The following SCRIB variants were observed in gnomAD, a reference collection of about 807,000 sequenced individuals.
SCRIB encodes the protein protein scribble homolog.
Under a neutral mutation model 170.0 loss-of-function variants are expected in SCRIB, and 72 were observed. The ratio of observed to expected loss-of-function variants is 0.42; its 90% CI spans 0.35 to 0.52. SCRIB has a LOEUF of 0.52. Among genes scored for constraint, SCRIB ranks in the 20% least tolerant of loss-of-function variants. The pLI is 0.02. For synonymous variants in SCRIB, 1,298 were observed against 1,044.3 expected, an observed-to-expected ratio of 1.24 and a Z score of -4.68; for missense variants, 2,475 against 2,338.5, an observed-to-expected ratio of 1.06 and a Z score of -1.20.
chr8:143,809,733 G>A lies in SCRIB; in HGVS notation c.1531-15C>T, dbSNP rs1284715419. ...AGCCGCTTCTCCTGCGGCGGGAAGT[G>A]GGGTCAGGCTTCGACGGAGCTCCCG... On this transcript the variant is annotated splice_polypyrimidine_tract_variant and intron_variant, in intron 13 of 36. Transcript: ENST00000356994. The A allele has an allele frequency of 1.2e-6, 2 of 1,604,760 alleles. No homozygotes were observed. Among genetic ancestry groups the A allele is most frequent in the Non-Finnish European group, 1.7e-6 (2 of 1,178,078 alleles).
Position 143,793,958 on chromosome 8 carries a change from G to T in SCRIB, c.3851C>A (p.Pro1284Gln). Residue 1284 changes from proline (P) to glutamine (Q), a missense_variant, in exon 28 of 37, where the codon CCG becomes CAG. Around this residue, in one of 3 missense-constraint regions of SCRIB, gnomAD observed 1,966 missense variants for 1,742.9 expected, o/e 1.13. Transcript: ENST00000356994. ...CATCTTCCCTCCAGCTGCTCCAGAC[G>T]GTACCTGGAGGAGTAGGCAGTGGGT... is the stretch of plus-strand genomic sequence containing the variant. The part of the protein sequence containing the change: ...VPSAGSVQRV[P>Q]SGAAGGKMAE... The T allele has an allele frequency of 6.2e-7, 1 of 1,612,518 alleles. No homozygotes were observed. Among genetic ancestry groups the T allele is most frequent in the Non-Finnish European group, 8.5e-7 (1 of 1,179,186 alleles).
At chr8:143,815,182 C>G (rs1296861647) in intron 1 of SCRIB, 32 bp downstream of exon 1, 2 of 1,535,126 alleles carry the variant, frequency 1.3e-6, no homozygotes, top group Admixed American at 1.9e-5. Context: ...TGGGGGCGCG[C>G]CTTTGGGCGG....
Position 143,804,970 on chromosome 8 carries a change from G to A in SCRIB, c.2715C>T (p.Arg905=), listed in dbSNP as rs142163940. Residue 905 remains arginine (R), a synonymous_variant, in exon 20 of 37, where the codon CGC becomes CGT. Transcript: ENST00000356994. The part of the protein sequence containing the change: ...SRIAEGGAAH[R]AGTLQVGDRV... ...GGTCGCCAACCTGCAGTGTGCCCGC[G>A]CGGTGAGCAGCACCGCCCTCGGCAA... 8.1e-5 allele frequency: 128 copies of A among 1,582,560 alleles called. No individual in the cohort carries two copies. The African/African-American group carries it at 1.4e-3, about 18-fold the overall frequency.
rs781979709 is a variant in SCRIB, at chr8:143,792,171, A to G, written c.4515-38T>C. 6 of 1,558,740 alleles carry G rather than the reference A, an allele frequency of 3.8e-6. No homozygotes were observed. In the African/African-American group the frequency reaches 5.4e-5, roughly 14 times the overall value. On this transcript the variant is annotated intron_variant, in intron 32 of 36. Transcript: ENST00000356994. ...GCGGGCAGGGGTGACTTGGGGCAGG[A>G]GCAGGGACAGGCAGCAGGGCGGGGT...
rs1362322414 is a variant in SCRIB, at chr8:143,809,002, G to A, written c.1722C>T (p.Asp574=). 37 of 1,612,560 alleles carry A rather than the reference G, an allele frequency of 2.3e-5. No individual in the cohort carries two copies. The highest frequency in any genetic ancestry group is 3.3e-5 in the Admixed American group (2 of 59,958). ...YQEPTVHFAE[D]ALLPGDDREI... Reference sequence around the variant, plus strand: ...CCCTGTCATCCCCGGGCAGCAGTGCGTCCTCTGCGAAATGCACCGTGGGCT... The same window carrying A: ...CCCTGTCATCCCCGGGCAGCAGTGCATCCTCTGCGAAATGCACCGTGGGCT... Residue 574 remains aspartate, a synonymous_variant, in exon 15 of 37, where the codon GAC becomes GAT. Transcript: ENST00000356994.
chr8:143,795,154 T>G, intron 26 of SCRIB, 42 bp from the exon 27 acceptor site: 1 of 1,602,314 alleles, frequency 6.2e-7, no homozygotes, highest in Non-Finnish European at 8.5e-7. Flanking sequence ...GGTAGCTCCG[T>G]GGCAGCACCC....
At chr8:143,793,565 G>GT in intron 28 of SCRIB, 1 of 356,332 alleles carries the variant, frequency 2.8e-6, no homozygotes, top group Non-Finnish European at 5.1e-6. Context: ...CCAACAGTGG[G>GT]GGGGCAAGGA....
chr8:143,814,452 G>T (rs1022577956), intron 1 of SCRIB, among the ~76,000 whole-genome samples: 4 of 152,018 alleles, frequency 2.6e-5, no homozygotes, highest in African/African-American at 7.2e-5. Context: ...ACCCTCCAGG[G>T]GCCCACACTG....
At position 143,792,811 on chromosome 8, in the gene SCRIB, C is replaced by G. The variant is rs1554633250; in HGVS notation, c.4074G>C (p.Gln1358His). The G allele has an allele frequency of 3.2e-6, 5 of 1,557,506 alleles. No homozygotes were observed. Among genetic ancestry groups the G allele is most frequent in the Non-Finnish European group, 3.5e-6 (4 of 1,153,500 alleles). ...CGCGCACCTCCAGCTCAAAGTACTT[C>G]TGCCGCTCCCGGAAGGACAGCTGCT... ...SPEQLSFRER[Q>H]KYFELEVRVP... The change falls in exon 30 of 37, where the codon CAG becomes CAC. Residue 1358 changes from glutamine to histidine, a missense_variant. Physicochemically the swap from Gln to His is conservative, Grantham distance 24 (BLOSUM62 0). Coordinates refer to ENST00000356994, the MANE Select transcript of SCRIB (RefSeq NM_182706.5).
chr8:143,805,032 G>A lies in SCRIB; in HGVS notation c.2671-18C>T, dbSNP rs1031887683. On this transcript the variant is annotated intron_variant, in intron 19 of 36. Transcript: ENST00000356994. Reference sequence around the variant, plus strand: ...AAGATGCCCTGCAGGGGAGGGTGGAGGAGGCAGGGCTGCCGGTGAGGCTGG... The same window carrying A: ...AAGATGCCCTGCAGGGGAGGGTGGAAGAGGCAGGGCTGCCGGTGAGGCTGG... 5.7e-6 allele frequency: 9 copies of A among 1,585,148 alleles called. No individual in the cohort carries two copies. The highest frequency in any genetic ancestry group is 1.3e-5 in the African/African-American group (1 of 74,586).
chr8:143,807,210 G>A (rs1815468070), intron 16 of SCRIB, among the ~76,000 whole-genome samples, 197 bp from the exon 17 acceptor site: 1 of 152,260 alleles, frequency 6.6e-6, no homozygotes, highest in Admixed American at 6.5e-5. Flanking sequence ...GGAGGGCACT[G>A]CTCTGCAGAG....
Position 143,791,403 on chromosome 8 carries a change from G to A in SCRIB, c.4808C>T (p.Pro1603Leu). Reference sequence around the variant, plus strand: ...CCCCAACTCACCAGGGCTGGGAGATGGTTCCAGGGACCTCAACTCCTCAGC... The same window carrying A: ...CCCCAACTCACCAGGGCTGGGAGATAGTTCCAGGGACCTCAACTCCTCAGC... ...DFAEELRSLE[P>L]SPSPGPQEED... Residue 1603 changes from proline (P) to leucine (L), a missense_variant, in exon 36 of 37, where the codon CCA becomes CTA. Coordinates refer to ENST00000356994, the MANE Select transcript of SCRIB (RefSeq NM_182706.5). 6.2e-7 allele frequency: 1 copy of A among 1,610,808 alleles called. No individual in the cohort carries two copies. Among genetic ancestry groups the A allele is most frequent in the East Asian group, 2.2e-5 (1 of 44,744 alleles).
chr8:143,794,987 T>C (rs768635667), intron 27 of SCRIB, 51 bp downstream of exon 27: 3 of 1,556,766 alleles, frequency 1.9e-6, no homozygotes, highest in East Asian at 2.3e-5. Context: ...GGGTGGCCGA[T>C]GAACAGGACA....
At position 143,804,836 on chromosome 8, in the gene SCRIB, G is replaced by A. The variant is rs782073749; in HGVS notation, c.2752-11C>T. The A allele has an allele frequency of 3.3e-5, 49 of 1,473,862 alleles. No individual in the cohort carries two copies. Among genetic ancestry groups the A allele is most frequent in the African/African-American group, 2.0e-4 (14 of 71,126 alleles). The allele number at this position is 1,473,862 out of a possible 1,614,324, so 91.3% of individuals were successfully genotyped here. On this transcript the variant is annotated splice_polypyrimidine_tract_variant and intron_variant, in intron 20 of 36. Transcript: ENST00000356994. ...GTCCACTCCATTAATCTGTGAGAGC[G>A]TGCCCGAATCAGGGAGGCCCAAGGG...
chr8:143,800,933 G>C (rs575040038), intron 24 of SCRIB, among the ~76,000 whole-genome samples: 65 of 150,408 alleles, frequency 4.3e-4, no homozygotes, highest in African/African-American at 1.5e-3. Context: ...TTTCTGCACA[G>C]AACTTGGCAG....
rs1820059029 is a variant in SCRIB at position 143,791,133 on chromosome 8, A to T, written c.*30T>A. On this transcript the variant is annotated 3_prime_UTR_variant, in exon 37 of 37. Transcript: ENST00000356994. ...TGGTGCTGGAGCTGGCAGGGCCCCC[A>T]CCCCAAGTCTGGGGGAGGTGCCTGC... The T allele has an allele frequency of 7.2e-7, 1 of 1,385,148 alleles. No homozygotes were observed. Among genetic ancestry groups the T allele is most frequent in the African/African-American group, 1.5e-5 (1 of 67,128 alleles). The allele number at this position is 1,385,148 out of a possible 1,614,324, so 85.8% of individuals were successfully genotyped here. A position where few individuals can be genotyped will look rare whatever the true frequency, so the allele number is the denominator to read the frequency against.
rs1466358614 is a variant in SCRIB, at chr8:143,815,505, G to A, written c.-133C>T. 2.0e-6 allele frequency: 2 copies of A among 988,482 alleles called. No homozygotes were observed. Among genetic ancestry groups the A allele is most frequent in the South Asian group, 4.5e-5 (1 of 22,104 alleles). 61.2% of individuals were successfully genotyped at this position (988,482 alleles called of 1,614,324 possible). A position where few individuals can be genotyped will look rare whatever the true frequency, so the allele number is the denominator to read the frequency against. On this transcript the variant is annotated 5_prime_UTR_variant, in exon 1 of 37. Coordinates refer to ENST00000356994, the MANE Select transcript of SCRIB (RefSeq NM_182706.5). Reference sequence around the variant, plus strand: ...GGGGGCGGGCCGCCCGAGACTGGACGGGGACGCGGCCGCGGCCGGCGCTGG... The same window carrying A: ...GGGGGCGGGCCGCCCGAGACTGGACAGGGACGCGGCCGCGGCCGGCGCTGG...
rs1554632544 is a variant in SCRIB, at chr8:143,791,303, G to A, written c.4828C>T (p.Gln1610Ter). ...AGAGCCACTTCTCCATCCTCCTCCT[G>A]CGGGCCTGGAGGGCAGGGACAGGTG... Reference protein sequence around the residue: ...SLEPSPSPGPQEEDGEVALVL... With the variant: ...SLEPSPSPGP The change falls in exon 37 of 37, where the codon CAG becomes TAG. Residue 1610 changes from glutamine to a stop codon, truncating the protein, a stop_gained. Coordinates refer to ENST00000356994, the MANE Select transcript of SCRIB (RefSeq NM_182706.5). LOFTEE classifies it high-confidence loss of function. The A allele has an allele frequency of 6.4e-7, 1 of 1,566,270 alleles. No homozygotes were observed. The highest frequency in any genetic ancestry group is 2.3e-5 in the East Asian group (1 of 43,100).
intron 16 of SCRIB, among the ~76,000 whole-genome samples, 170 bp downstream of exon 16, chr8:143,807,382 C>T (rs1243984816): frequency 2.0e-5 from 3 of 152,190 alleles, no homozygotes; most frequent in Admixed American, 6.5e-5. Flanking sequence ...CCTGCCAAGA[C>T]GGGCTGCCCC....
Sources: gnomAD v4.1 joint callset for allele counts (sites outside exome capture counted in the v4.1 genomes callset) on GRCh38, gnomAD v4.1.1 for gene constraint, gnomAD v4.1.1 regional missense constraint, MANE v1.5 for transcripts, NCBI Gene and HGNC (gene_info 2026-07-23, HGNC 2026-07-21) for gene names.